LHFPL3: variants seen among roughly 807,000 people sequenced by gnomAD.
The protein encoded by LHFPL3 is LHFPL tetraspan subfamily member 3 protein.
A neutral mutation model predicts 19.3 loss-of-function variants in LHFPL3; 5 were observed. The observed-to-expected ratio is 0.26, with a 90% confidence interval of 0.14 to 0.54. The LOEUF (loss-of-function observed/expected upper bound fraction) is 0.54. LHFPL3 is among the 20% of genes least tolerant of loss of function. The pLI, the probability that LHFPL3 is intolerant of heterozygous loss-of-function variation, is 0.94. For missense variants in LHFPL3, 249 were observed against 307.4 expected, an observed-to-expected ratio of 0.81 and a Z score of 1.42; for synonymous variants, 133 against 126.2, an observed-to-expected ratio of 1.05 and a Z score of -0.36.
At chr7:104,892,530 G>C (rs1016096248) in intron 2 of LHFPL3, among the ~76,000 whole-genome samples, 9 of 151,874 alleles carry the variant, frequency 5.9e-5, no homozygotes, top group Non-Finnish European at 1.3e-4. Flanking sequence ...GGCCAACATA[G>C]AGAAACCCCG....
intron 1 of LHFPL3, among the ~76,000 whole-genome samples, chr7:104,729,081 T>C (rs186836430): frequency 6.6e-6 from 1 of 152,348 alleles, no homozygotes; most frequent in Non-Finnish European, 1.5e-5. Flanking sequence ...ATATCAGTAT[T>C]CTCCAGGATT....
intron 1 of LHFPL3, among the ~76,000 whole-genome samples, chr7:104,387,219 A>G (rs10249235): frequency 0.34 from 51,753 of 151,926 alleles, 9,171 homozygotes; most frequent in Admixed American, 0.49. Flanking sequence ...TGAAAAGTAC[A>G]TGGCCAGGTG....
chr7:104,481,723 G>A (rs973189708), intron 1 of LHFPL3, among the ~76,000 whole-genome samples: 1 of 151,892 alleles, frequency 6.6e-6, no homozygotes, highest in Non-Finnish European at 1.5e-5. Flanking sequence ...AGTCAAAAGG[G>A]TATTTTATTT....
At chr7:104,656,176 A>G (rs1031104925) in intron 1 of LHFPL3, among the ~76,000 whole-genome samples, 1 of 152,192 alleles carries the variant, frequency 6.6e-6, no homozygotes, top group Non-Finnish European at 1.5e-5. Flanking sequence ...TGTGCTTTAT[A>G]TGATTCCAGA....
intron 1 of LHFPL3, among the ~76,000 whole-genome samples, chr7:104,331,491 A>G (rs1388347917): frequency 6.6e-6 from 1 of 152,058 alleles, no homozygotes. Context: ...TTCTGATGAC[A>G]GGTCAAATAA....
At chr7:104,878,090 C>A (rs564183490) in intron 2 of LHFPL3, among the ~76,000 whole-genome samples, 1 of 152,240 alleles carries the variant, frequency 6.6e-6, no homozygotes, top group South Asian at 2.1e-4. Flanking sequence ...CCACCTCGGC[C>A]TCCCAAAGTG....
chr7:104,588,643 AT>A (rs1185725136), intron 1 of LHFPL3, among the ~76,000 whole-genome samples: 3 of 152,086 alleles, frequency 2.0e-5, no homozygotes, highest in Non-Finnish European at 4.4e-5. Context: ...GTTTTTTCCA[AT>A]TCTGTGAAGA....
intron 2 of LHFPL3, among the ~76,000 whole-genome samples, chr7:104,762,672 G>T (rs189478214): frequency 8.9e-4 from 135 of 152,270 alleles, no homozygotes; most frequent in African/African-American, 3.2e-3. Flanking sequence ...TGATCTGTGT[G>T]CCAGGCACTG....
intron 1 of LHFPL3, among the ~76,000 whole-genome samples, chr7:104,453,562 C>G (rs1031664788): frequency 6.6e-6 from 1 of 152,096 alleles, no homozygotes; most frequent in Admixed American, 6.6e-5. Flanking sequence ...TAAAATAAAT[C>G]TTCTAAGAAA....
At chr7:104,747,836 T>C (rs994812460) in intron 2 of LHFPL3, among the ~76,000 whole-genome samples, 1 of 152,226 alleles carries the variant, frequency 6.6e-6, no homozygotes, top group Non-Finnish European at 1.5e-5. Flanking sequence ...GGGATACTTA[T>C]CTTAAATGCA....
intron 1 of LHFPL3, among the ~76,000 whole-genome samples, chr7:104,462,263 G>A (rs544807732): frequency 4.6e-5 from 7 of 152,224 alleles, no homozygotes; most frequent in African/African-American, 1.7e-4. Flanking sequence ...CTCTGGCCAG[G>A]ACTTCCAATA....
At chr7:104,772,448 TCAGA>T (rs1345645689) in intron 2 of LHFPL3, among the ~76,000 whole-genome samples, 3 of 152,114 alleles carry the variant, frequency 2.0e-5, no homozygotes, top group Non-Finnish European at 4.4e-5. Flanking sequence ...TACGGTGTGC[TCAGA>T]CAATGGGCTC....
intron 2 of LHFPL3, among the ~76,000 whole-genome samples, chr7:104,773,425 A>G (rs1327885750): frequency 6.6e-6 from 1 of 152,234 alleles, no homozygotes; most frequent in Non-Finnish European, 1.5e-5. Context: ...GATCCTCCAC[A>G]GTTGAGCAAA....
chr7:104,332,849 T>C (rs1801596067), intron 1 of LHFPL3, among the ~76,000 whole-genome samples: 1 of 151,818 alleles, frequency 6.6e-6, no homozygotes, highest in South Asian at 2.1e-4. Context: ...GACCATGTCT[T>C]ATATAAAAAC....
chr7:104,371,988 G>A (rs1181105499), intron 1 of LHFPL3, among the ~76,000 whole-genome samples: 1 of 152,154 alleles, frequency 6.6e-6, no homozygotes, highest in Non-Finnish European at 1.5e-5. Context: ...GATTGCTAAC[G>A]GCCAGTTAAT....
chr7:104,467,339 T>C (rs1562906527), intron 1 of LHFPL3, among the ~76,000 whole-genome samples: 1 of 152,166 alleles, frequency 6.6e-6, no homozygotes, highest in African/African-American at 2.4e-5. Context: ...TTAACTCACA[T>C]CTCAGCAACT....
At chr7:104,415,661 C>T (rs1199329511) in intron 1 of LHFPL3, among the ~76,000 whole-genome samples, 2 of 152,146 alleles carry the variant, frequency 1.3e-5, no homozygotes, top group Non-Finnish European at 2.9e-5. Flanking sequence ...AAACACATTC[C>T]ACTTTCTAGT....
chr7:104,887,934 TC>T (rs1409432653), intron 2 of LHFPL3, among the ~76,000 whole-genome samples: 3 of 152,150 alleles, frequency 2.0e-5, no homozygotes, highest in Non-Finnish European at 4.4e-5. Flanking sequence ...TTGTGACAAC[TC>T]TCAACAGCTT....
At chr7:104,374,837 G>A (rs893344494) in intron 1 of LHFPL3, among the ~76,000 whole-genome samples, 4 of 152,164 alleles carry the variant, frequency 2.6e-5, no homozygotes, top group Non-Finnish European at 5.9e-5. Flanking sequence ...TGTGTCCTTA[G>A]GTCCTAGCAC....
Sources: allele counts gnomAD v4.1 joint callset (sites outside exome capture counted in the v4.1 genomes callset), GRCh38; gene constraint gnomAD v4.1.1; transcripts MANE v1.5; gene names NCBI Gene and HGNC (gene_info 2026-07-23, HGNC 2026-07-21).